Variants in PHF20 observed in about 807,000 individuals in gnomAD.
PHF20 encodes the protein PHD finger protein 20.
In PHF20, 23 loss-of-function variants were observed where a neutral mutation model predicts 113.5. The ratio of observed to expected loss-of-function variants is 0.20; its 90% CI spans 0.15 to 0.29. PHF20 has a LOEUF of 0.29. Ranked by LOEUF, PHF20 falls within the 10% of genes least tolerant of loss-of-function variation. The pLI is 1.00. For missense variants in PHF20, 943 were observed against 1,219.6 expected (o/e 0.77, Z 3.38); for synonymous variants, 434 against 457.3 (o/e 0.95, Z 0.65).
At chr20:35,878,865 T>C in intron 9 of PHF20, 1 of 451,190 alleles carries the variant, frequency 2.2e-6, no homozygotes, top group African/African-American at 2.0e-5. Flanking sequence ...ATTTTGAATA[T>C]TGGCTTCCTT....
rs372179576 is a variant in PHF20 at position 35,929,486 on chromosome 20, G to T, written c.2104+1607G>T. Among the ~76,000 whole-genome samples the T allele has an allele frequency of 2.6e-5, 4 of 152,386 alleles. No individual in the cohort carries two copies. In the South Asian group the frequency reaches 8.3e-4, roughly 32 times the overall value. On this transcript the variant is annotated intron_variant, in intron 14 of 17. Coordinates refer to ENST00000374012, the MANE Select transcript of PHF20 (RefSeq NM_016436.5). The stretch of plus-strand genomic sequence containing the variant: ...CGCCACCAGCTAATGCCAGACAGGC[G>T]ATGAGAACCAGTTGTCTCATACCTT...
At chr20:35,871,290 C>T (rs1043035527) in intron 8 of PHF20, among the ~76,000 whole-genome samples, 156 bp downstream of exon 8, 11 of 152,196 alleles carry the variant, frequency 7.2e-5, no homozygotes, top group Non-Finnish European at 1.5e-4. Context: ...TTGCTCTTCA[C>T]TGATGATTTA....
intron 10 of PHF20, among the ~76,000 whole-genome samples, chr20:35,911,318 C>A (rs894362239): frequency 4.4e-4 from 67 of 152,066 alleles, no homozygotes; most frequent in Admixed American, 2.0e-3. Context: ...CTGGGATTAC[C>A]GGCATGAGCC....
chr20:35,939,094 C>G lies in PHF20; in HGVS notation c.2698C>G (p.Pro900Ala). Residue 900 changes from proline (P) to alanine (A), a missense_variant, in exon 16 of 18, where the codon CCC (proline) becomes GCC (alanine). Around this residue, in one of 3 missense-constraint regions of PHF20, gnomAD observed 349 missense variants for 412.3 expected, o/e 0.85. Transcript: ENST00000374012. The stretch of plus-strand genomic sequence containing the variant: ...GAGCAAGGGGGACAGTGACCCCAAA[C>G]CCGGCTCCCCAAAGGTATGTGGCTG... Reference protein sequence around the residue: ...DRSKGDSDPKPGSPKVKEYVS... With the variant: ...DRSKGDSDPKAGSPKVKEYVS... The G allele has an allele frequency of 2.5e-6, 4 of 1,606,414 alleles. No homozygotes were observed. Among genetic ancestry groups the G allele is most frequent in the Non-Finnish European group, 3.4e-6 (4 of 1,175,386 alleles).
chr20:35,844,072 G>C (rs893134215), intron 3 of PHF20, among the ~76,000 whole-genome samples: 1 of 151,946 alleles, frequency 6.6e-6, no homozygotes, highest in African/African-American at 2.4e-5. Context: ...CACAGAGTGG[G>C]AGCGGGCTCA....
chr20:35,828,684 CAGTGGCAGT>C (rs1354530207), intron 2 of PHF20, among the ~76,000 whole-genome samples: 1 of 152,166 alleles, frequency 6.6e-6, no homozygotes, highest in Admixed American at 6.5e-5. Flanking sequence ...GTCATGCCAG[CAGTGGCAGT>C]GCTTTACTGT....
intron 10 of PHF20, among the ~76,000 whole-genome samples, chr20:35,902,239 G>C (rs1262168234): frequency 6.6e-6 from 1 of 152,208 alleles, no homozygotes; most frequent in Non-Finnish European, 1.5e-5. Context: ...AAGGACTGGA[G>C]ATTATGTTGA....
In PHF20 at chr20:35,835,545, T is replaced by C. The variant is rs149605075; in HGVS notation, c.84-7028T>C. On this transcript the variant is annotated intron_variant, in intron 2 of 17. Coordinates refer to ENST00000374012, the MANE Select transcript of PHF20 (RefSeq NM_016436.5). Reference sequence around the variant, plus strand: ...TCCTGGAACACCAAGTAGAGACTTATTAAATGAATGATGCATGAAACCAAA... The same window carrying C: ...TCCTGGAACACCAAGTAGAGACTTACTAAATGAATGATGCATGAAACCAAA... 2.0e-3 allele frequency among the ~76,000 whole-genome samples: 307 copies of C among 152,310 alleles called. 1 individual carries two copies. The highest frequency in any genetic ancestry group is 7.2e-3 in the African/African-American group (298 of 41,556).
chr20:35,871,065 G>A lies in PHF20; in HGVS notation c.1033G>A (p.Val345Ile). The A allele has an allele frequency of 1.2e-6, 2 of 1,613,332 alleles. No individual in the cohort carries two copies. The change falls in exon 8 of 18, where the codon GTT becomes ATT. Residue 345 changes from valine to isoleucine, a missense_variant. This residue lies in a region of PHF20 where 592 missense variants were observed against 787.2 expected (regional missense o/e 0.75). Coordinates refer to ENST00000374012, the MANE Select transcript of PHF20 (RefSeq NM_016436.5). ...GTHEILDPDL[V>I]VSDLVDTDPL... ...CCATGAGATCCTAGATCCTGACTTGGTTGTATCAGATTTGGTTGATACGGA... is the reference window on the plus strand; with the variant it reads ...CCATGAGATCCTAGATCCTGACTTGATTGTATCAGATTTGGTTGATACGGA...
At chr20:35,849,503 A>T (rs1291354369) in intron 4 of PHF20, 1 of 469,142 alleles carries the variant, frequency 2.1e-6, no homozygotes, top group African/African-American at 2.0e-5. Flanking sequence ...TGTCTCTATA[A>T]GGTTTTGTGT....
In PHF20 at chr20:35,949,855, C is replaced by G. The variant is rs1023456742; in HGVS notation, c.*2228C>G. On this transcript the variant is annotated 3_prime_UTR_variant, in exon 18 of 18. Transcript: ENST00000374012. ...ATCACCTGAGGTCAGGAGTTCGAGA[C>G]CAGCCTGGCCAACAGGGTGAAACCC... is the stretch of plus-strand genomic sequence containing the variant. The G allele has an allele frequency of 2.6e-5, 4 of 152,606 alleles. No homozygotes were observed. The highest frequency in any genetic ancestry group is 9.7e-5 in the African/African-American group (4 of 41,430). The allele number at this position is 152,606 out of a possible 1,614,324, so 9.5% of individuals were successfully genotyped here.
intron 4 of PHF20, among the ~76,000 whole-genome samples, chr20:35,850,295 C>CTTTTTTTTT (rs2042695799): frequency 9.8e-6 from 1 of 101,680 alleles, no homozygotes; most frequent in Non-Finnish European, 2.1e-5. Context: ...CTTCCCCCTC[C>CTTTTTTTTT]GTTTTTTTTT....
chr20:35,821,091 A>G (rs746784017), intron 2 of PHF20, among the ~76,000 whole-genome samples: 6 of 152,054 alleles, frequency 3.9e-5, no homozygotes, highest in Non-Finnish European at 7.4e-5. Flanking sequence ...TTTATTCTAA[A>G]TGTGATAGTA....
intron 2 of PHF20, among the ~76,000 whole-genome samples, chr20:35,811,598 A>T (rs1479059037): frequency 6.6e-6 from 1 of 151,308 alleles, no homozygotes; most frequent in East Asian, 1.9e-4. Context: ...ATGCGCCACC[A>T]CGCTCAGCTA....
chr20:35,814,510 C>T (rs2042032904), intron 2 of PHF20, among the ~76,000 whole-genome samples: 1 of 151,360 alleles, frequency 6.6e-6, no homozygotes, highest in Admixed American at 6.6e-5. Context: ...AACCGCTGCG[C>T]CCGGCCTATA....
At chr20:35,838,812 A>G (rs912075291) in intron 2 of PHF20, among the ~76,000 whole-genome samples, 29 of 142,364 alleles carry the variant, frequency 2.0e-4, no homozygotes, top group African/African-American at 6.3e-4. Context: ...ACATAGTGAG[A>G]CTCCACCTCT....
intron 1 of PHF20, among the ~76,000 whole-genome samples, chr20:35,780,033 C>T (rs1264363932): frequency 6.6e-6 from 1 of 152,134 alleles, no homozygotes; most frequent in Non-Finnish European, 1.5e-5. Flanking sequence ...GGTCATTTGG[C>T]TAATAAGCAG....
intron 14 of PHF20, 59 bp downstream of exon 14, chr20:35,927,938 G>A: frequency 1.7e-6 from 2 of 1,170,148 alleles, no homozygotes; most frequent in Non-Finnish European, 2.6e-6. Context: ...GGCACAGCTG[G>A]CTGTGACACA....
chr20:35,781,919 G>C (rs2146830413), intron 1 of PHF20, among the ~76,000 whole-genome samples: 1 of 151,922 alleles, frequency 6.6e-6, no homozygotes, highest in South Asian at 2.1e-4. Context: ...CTGCACTCCA[G>C]CCTAGGTGAC....
Sources: allele counts gnomAD v4.1 joint callset (sites outside exome capture counted in the v4.1 genomes callset), GRCh38; gene constraint gnomAD v4.1.1; regional missense constraint gnomAD v4.1.1; transcripts MANE v1.5; gene names NCBI Gene and HGNC (gene_info 2026-07-23, HGNC 2026-07-21).